Variants in MLLT6 observed in about 807,000 individuals in gnomAD.
MLLT6 encodes MLLT6, PHD finger containing, also known as protein AF-17.
A neutral mutation model predicts 103.0 loss-of-function variants in MLLT6; 22 were observed. The observed-to-expected ratio is 0.21, with a 90% CI of 0.15 to 0.31. The LOEUF (loss-of-function observed/expected upper bound fraction) is 0.31, where lower values mean the gene tolerates loss of function less well. Ranked by LOEUF, MLLT6 falls within the 10% of genes least tolerant of loss-of-function variation. MLLT6 has a pLI of 1.00. For missense variants in MLLT6, 1,199 were observed against 1,441.7 expected (o/e 0.83, Z 2.73); for synonymous variants, 606 against 623.5 (o/e 0.97, Z 0.42).
chr17:38,720,401 C>T lies in MLLT6; in HGVS notation c.2185C>T (p.Leu729=), dbSNP rs1172111954. 6.2e-7 allele frequency: 1 copy of T among 1,612,182 alleles called. No individual in the cohort carries two copies. Among genetic ancestry groups the T allele is most frequent in the South Asian group, 1.1e-5 (1 of 91,066 alleles). Residue 729 remains leucine (L), a synonymous_variant, in exon 15 of 20, where the codon CTG becomes TTG. Transcript: ENST00000621332. ...GGAGATGCTGAAGGCGCTGCACGCG[C>T]TGCAGAAGGAGAACCAGCGGCTGCA... ...IVEMLKALHA[L]QKENQRLQEQ...
At position 38,724,516 on chromosome 17, in the gene MLLT6, T is replaced by C. The variant is rs563811197; in HGVS notation, c.2884-104T>C. 117 of 830,830 alleles carry C rather than the reference T, an allele frequency of 1.4e-4. 4 individuals carry two copies. In the South Asian group the frequency reaches 1.8e-3, roughly 13 times the overall value. 51.5% of individuals were successfully genotyped at this position (830,830 alleles called of 1,614,324 possible). A position where few individuals can be genotyped will look rare whatever the true frequency, so the allele number is the denominator to read the frequency against. On this transcript the variant is annotated intron_variant, in intron 18 of 19. Coordinates refer to ENST00000621332, the MANE Select transcript of MLLT6 (RefSeq NM_005937.4). This position sits in a 1 kb window ranked among gnomAD's most constrained non-coding sequence, Gnocchi z 5.4. ...ACTGTCTCACAGGCCTCTTGCCTCC[T>C]GATTCCAGTGTGATGGGGTGGGGCC...
At position 38,728,762 on chromosome 17, in the gene MLLT6, C is replaced by T; in HGVS notation, c.*3164C>T. On this transcript the variant is annotated 3_prime_UTR_variant, in exon 20 of 20. Coordinates refer to ENST00000621332, the MANE Select transcript of MLLT6 (RefSeq NM_005937.4). ...ACATGGTCTCCACATGGCTGGCTGG[C>T]TGGCTGTCCCTGTGTGTGTGTGACA... 1 of 234,834 alleles carries T rather than the reference C, an allele frequency of 4.3e-6. No homozygotes were observed. The highest frequency in any genetic ancestry group is 8.4e-6 in the Non-Finnish European group (1 of 118,910). The allele number at this position is 234,834 out of a possible 1,614,324, so 14.5% of individuals were successfully genotyped here. A position where few individuals can be genotyped will look rare whatever the true frequency, so the allele number is the denominator to read the frequency against.
At position 38,717,546 on chromosome 17, in the gene MLLT6, C is replaced by T; in HGVS notation, c.1766C>T (p.Pro589Leu). The T allele has an allele frequency of 6.2e-7, 1 of 1,613,836 alleles. No individual in the cohort carries two copies. Among genetic ancestry groups the T allele is most frequent in the Non-Finnish European group, 8.5e-7 (1 of 1,179,916 alleles). Reference sequence around the variant, plus strand: ...GGGCCCCCAGGGACCTCGGCCCTGCCCCGCCTCAGCCGCTCCCCGTTCACC... The same window carrying T: ...GGGCCCCCAGGGACCTCGGCCCTGCTCCGCCTCAGCCGCTCCCCGTTCACC... ...LLGPPGTSAL[P>L]RLSRSPFTST... The change falls in exon 11 of 20, where the codon CCC becomes CTC. Residue 589 changes from proline (P) to leucine (L), a missense_variant. By Grantham distance (98) the Pro-to-Leu change is moderately conservative. Around this residue, in one of 7 missense-constraint regions of MLLT6, gnomAD observed 1,034 missense variants for 1,091.5 expected, o/e 0.95. Transcript: ENST00000621332.
At position 38,720,761 on chromosome 17, in the gene MLLT6, G is replaced by A. The variant is rs1360215485; in HGVS notation, c.2442+14G>A. ...ACTTCTTCTGAGGTGGGCGCTACGA[G>A]GAGTGGGGCAGGAAGGAGGGGGAGA... On this transcript the variant is annotated intron_variant, in intron 16 of 19. Coordinates refer to ENST00000621332, the MANE Select transcript of MLLT6 (RefSeq NM_005937.4). 2 of 1,612,058 alleles carry A rather than the reference G, an allele frequency of 1.2e-6. No individual in the cohort carries two copies. The highest frequency in any genetic ancestry group is 1.7e-6 in the Non-Finnish European group (2 of 1,178,750).
chr17:38,722,184 G>A lies in MLLT6; in HGVS notation c.2749G>A (p.Ala917Thr), dbSNP rs1905790878. ...AAPNPASLSQAGGAPTLQLPG... is the reference protein window; with the variant it reads ...AAPNPASLSQTGGAPTLQLPG... Reference sequence around the variant, plus strand: ...CCCCAACCCCGCAAGCTTGAGCCAGGCTGGCGGGGCCCCCACGCTGCAGCT... The same window carrying A: ...CCCCAACCCCGCAAGCTTGAGCCAGACTGGCGGGGCCCCCACGCTGCAGCT... The change falls in exon 17 of 20, where the codon GCT becomes ACT. Residue 917 changes from alanine to threonine, a missense_variant. Coordinates refer to ENST00000621332, the MANE Select transcript of MLLT6 (RefSeq NM_005937.4). 1 of 1,366,816 alleles carries A rather than the reference G, an allele frequency of 7.3e-7. No individual in the cohort carries two copies. Among genetic ancestry groups the A allele is most frequent in the Non-Finnish European group, 9.4e-7 (1 of 1,065,200 alleles). The allele number at this position is 1,366,816 out of a possible 1,614,324, so 84.7% of individuals were successfully genotyped here. A position where few individuals can be genotyped will look rare whatever the true frequency, so the allele number is the denominator to read the frequency against.
Position 38,709,648 on chromosome 17 carries a change from G to A in MLLT6, c.552+73G>A. 1.7e-6 allele frequency: 2 copies of A among 1,206,200 alleles called. No homozygotes were observed. The highest frequency in any genetic ancestry group is 2.4e-6 in the Non-Finnish European group (2 of 816,572). 74.7% of individuals were successfully genotyped at this position (1,206,200 alleles called of 1,614,324 possible). A position where few individuals can be genotyped will look rare whatever the true frequency, so the allele number is the denominator to read the frequency against. On this transcript the variant is annotated intron_variant, in intron 6 of 19. Coordinates refer to ENST00000621332, the MANE Select transcript of MLLT6 (RefSeq NM_005937.4). This position sits in a 1 kb window ranked among gnomAD's most constrained non-coding sequence, Gnocchi z 4.3. ...GATGGTTAGAGGGCATGGGCTCTGGGCCAGGCCAGTGCCTGGTGCTAGGAG... is the reference window on the plus strand; with the variant it reads ...GATGGTTAGAGGGCATGGGCTCTGGACCAGGCCAGTGCCTGGTGCTAGGAG...
chr17:38,712,745 C>A lies in MLLT6; in HGVS notation c.775C>A (p.Pro259Thr), dbSNP rs765975220. ...KQKHKKRPES[P>T]PSILTPPVVP... is the part of the protein sequence containing the mutation. ...GAAGCACAAGAAGCGGCCTGAGTCG[C>A]CCCCCAGCATCCTCACCCCGCCCGT... Residue 259 changes from proline (P) to threonine (T), a missense_variant, in exon 8 of 20, where the codon CCC becomes ACC. Around this residue, in one of 7 missense-constraint regions of MLLT6, gnomAD observed 1,034 missense variants for 1,091.5 expected, o/e 0.95. Transcript: ENST00000621332. The A allele has an allele frequency of 2.1e-5, 34 of 1,613,554 alleles. No individual in the cohort carries two copies. The highest frequency in any genetic ancestry group is 2.8e-5 in the Non-Finnish European group (33 of 1,179,656).
chr17:38,710,296 A>G (rs1327479293), intron 6 of MLLT6, among the ~76,000 whole-genome samples: 1 of 152,140 alleles, frequency 6.6e-6, no homozygotes, highest in Non-Finnish European at 1.5e-5. Context: ...GGGAGGCTGG[A>G]AAGGGTGCTA....
intron 8 of MLLT6, chr17:38,714,414 C>T (rs761105723): frequency 2.0e-5 from 3 of 152,288 alleles, no homozygotes; most frequent in Non-Finnish European, 4.4e-5. Flanking sequence ...GACACTGACA[C>T]TTATCGACGT....
At chr17:38,707,971 C>A in intron 4 of MLLT6, 99 bp downstream of exon 4, 1 of 816,578 alleles carries the variant, frequency 1.2e-6, no homozygotes, top group Non-Finnish European at 2.1e-6. Context: ...GTCCAACGAG[C>A]ACTGAAAGGG....
At chr17:38,715,987 A>G (rs554219639) in intron 9 of MLLT6, 159 bp downstream of exon 9, 2 of 699,600 alleles carry the variant, frequency 2.9e-6, no homozygotes, top group African/African-American at 1.8e-5. Context: ...CCTGCCCCCA[A>G]ACCCTTCCTT....
In MLLT6 at chr17:38,717,561, C is replaced by T; in HGVS notation, c.1781C>T (p.Ser594Phe). ...TCGGCCCTGCCCCGCCTCAGCCGCT[C>T]CCCGTTCACCAGCACCCTCCCCTCC... Reference protein sequence around the residue: ...GTSALPRLSRSPFTSTLPSSS... With the variant: ...GTSALPRLSRFPFTSTLPSSS... Residue 594 changes from serine (S) to phenylalanine (F), a missense_variant, in exon 11 of 20, where the codon TCC (serine) becomes TTC (phenylalanine). Ser to Phe is a radical substitution (Grantham distance 155, BLOSUM62 -2). This residue lies in a region of MLLT6 where 1,034 missense variants were observed against 1,091.5 expected (regional missense o/e 0.95). Coordinates refer to ENST00000621332, the MANE Select transcript of MLLT6 (RefSeq NM_005937.4). 1.2e-6 allele frequency: 2 copies of T among 1,613,948 alleles called. No individual in the cohort carries two copies. The highest frequency in any genetic ancestry group is 1.7e-6 in the Non-Finnish European group (2 of 1,179,950).
At chr17:38,710,475 G>T (rs1905108679) in intron 6 of MLLT6, among the ~76,000 whole-genome samples, 1 of 152,216 alleles carries the variant, frequency 6.6e-6, no homozygotes, top group African/African-American at 2.4e-5. Flanking sequence ...GGCAGCCGCT[G>T]TGAGGCTAGA....
At chr17:38,719,628 A>G (rs758580777) in intron 13 of MLLT6, 45 bp downstream of exon 13, 30 of 1,577,366 alleles carry the variant, frequency 1.9e-5, no homozygotes, top group Non-Finnish European at 2.5e-5. Context: ...GGCAGGAGGG[A>G]CACCCGAGGG....
At chr17:38,722,249 G>A in intron 17 of MLLT6, 22 bp downstream of exon 17, 3 of 1,364,860 alleles carry the variant, frequency 2.2e-6, no homozygotes, top group South Asian at 3.6e-5. Flanking sequence ...CTCAGCCCTG[G>A]GAAGGGGAAC....
rs1243459329 is a variant in MLLT6, at chr17:38,724,168, A to G, written c.2884-452A>G. The stretch of plus-strand genomic sequence containing the variant: ...CTACCTGGGAGGCTGAGGCAGGAGA[A>G]TCGCTTGAACCCAGGAGGTGGAGGT... On this transcript the variant is annotated intron_variant, in intron 18 of 19. Coordinates refer to ENST00000621332, the MANE Select transcript of MLLT6 (RefSeq NM_005937.4). This position sits in a 1 kb window ranked among gnomAD's most constrained non-coding sequence, Gnocchi z 5.4. The G allele has an allele frequency of 6.5e-6, 1 of 154,512 alleles. No homozygotes were observed. Among genetic ancestry groups the G allele is most frequent in the Admixed American group, 6.5e-5 (1 of 15,308 alleles). The allele number at this position is 154,512 out of a possible 1,614,324, so 9.6% of individuals were successfully genotyped here. A position where few individuals can be genotyped will look rare whatever the true frequency, so the allele number is the denominator to read the frequency against.
In MLLT6 at chr17:38,727,197, G is replaced by C. The variant is rs918016285; in HGVS notation, c.*1599G>C. 3.0e-5 allele frequency: 7 copies of C among 229,682 alleles called. No homozygotes were observed. Among genetic ancestry groups the C allele is most frequent in the Non-Finnish European group, 5.2e-5 (6 of 116,458 alleles). The allele number at this position is 229,682 out of a possible 1,614,324, so 14.2% of individuals were successfully genotyped here. A position where few individuals can be genotyped will look rare whatever the true frequency, so the allele number is the denominator to read the frequency against. On this transcript the variant is annotated 3_prime_UTR_variant, in exon 20 of 20. Transcript: ENST00000621332. ...TATTTTTGGCAACGACAGAAACGTA[G>C]TGCAGATATATTTTTGCCTGTGCTG... is the stretch of plus-strand genomic sequence containing the variant.
intron 8 of MLLT6, among the ~76,000 whole-genome samples, chr17:38,715,099 G>A (rs1444106013): frequency 6.6e-6 from 1 of 152,198 alleles, no homozygotes; most frequent in Non-Finnish European, 1.5e-5. Flanking sequence ...GTGCAATCAG[G>A]TTGTCTAGGA....
At chr17:38,705,976 G>C in intron 1 of MLLT6, 1 of 221,078 alleles carries the variant, frequency 4.5e-6, no homozygotes, top group South Asian at 1.8e-4. Flanking sequence ...GAGGGAGTTT[G>C]GGGAGAGTCT....
Sources: allele counts gnomAD v4.1 joint callset (sites outside exome capture counted in the v4.1 genomes callset), GRCh38; gene constraint gnomAD v4.1.1; regional missense constraint gnomAD v4.1.1; non-coding constraint Gnocchi (gnomAD v3.1); transcripts MANE v1.5; gene names NCBI Gene and HGNC (gene_info 2026-07-23, HGNC 2026-07-21).